PLXDC2: variants seen among roughly 807,000 people sequenced by gnomAD.
The protein encoded by PLXDC2 is plexin domain-containing protein 2.
A neutral mutation model predicts 68.9 loss-of-function variants in PLXDC2; 40 were observed. That is an observed-to-expected ratio of 0.58 (90% CI 0.45 to 0.76). The LOEUF is 0.76. PLXDC2 is among the 30% of genes least tolerant of loss of function. The pLI is 0.00. For missense variants in PLXDC2, 644 were observed against 661.9 expected (o/e 0.97, Z 0.30); for synonymous variants, 243 against 234.2 (o/e 1.04, Z -0.34).
intron 1 of PLXDC2, among the ~76,000 whole-genome samples, chr10:19,998,327 T>G (rs952347144): frequency 6.6e-6 from 1 of 152,246 alleles, no homozygotes; most frequent in Non-Finnish European, 1.5e-5. Context: ...TATCCTGTCT[T>G]TATTCTGTAA....
chr10:19,985,461 A>G (rs967043897), intron 1 of PLXDC2, among the ~76,000 whole-genome samples: 2 of 152,188 alleles, frequency 1.3e-5, no homozygotes, highest in Admixed American at 1.3e-4. Context: ...ATTTCCACTT[A>G]GAGAAGTTGC....
intron 1 of PLXDC2, among the ~76,000 whole-genome samples, chr10:19,953,350 T>C (rs1834020757): frequency 6.6e-6 from 1 of 152,066 alleles, no homozygotes; most frequent in South Asian, 2.1e-4. Flanking sequence ...TTGATTTAAG[T>C]ATTTGGGGTA....
chr10:20,224,513 T>C (rs1835260879), intron 12 of PLXDC2, among the ~76,000 whole-genome samples: 1 of 152,214 alleles, frequency 6.6e-6, no homozygotes, highest in African/African-American at 2.4e-5. Context: ...ATTCACTTCC[T>C]AAATAGAAAT....
At chr10:20,100,689 G>A (rs865890150) in intron 4 of PLXDC2, among the ~76,000 whole-genome samples, 1 of 152,154 alleles carries the variant, frequency 6.6e-6, no homozygotes, top group Non-Finnish European at 1.5e-5. Flanking sequence ...CAGAAAGGAA[G>A]GGGAAGAGAG....
chr10:19,851,630 C>G (rs993056471), intron 1 of PLXDC2, among the ~76,000 whole-genome samples: 2 of 152,140 alleles, frequency 1.3e-5, no homozygotes, highest in African/African-American at 4.8e-5. Flanking sequence ...ACTGCAACCT[C>G]CACCTCCTGG....
chr10:19,905,198 GTTTAT>G (rs1833134071), intron 1 of PLXDC2, among the ~76,000 whole-genome samples: 1 of 152,280 alleles, frequency 6.6e-6, no homozygotes, highest in South Asian at 2.1e-4. Flanking sequence ...TTTTCTCTTT[GTTTAT>G]TTTAATTGGT....
At chr10:19,888,269 T>G (rs560162352) in intron 1 of PLXDC2, among the ~76,000 whole-genome samples, 3 of 152,350 alleles carry the variant, frequency 2.0e-5, no homozygotes, top group African/African-American at 4.8e-5. Flanking sequence ...ACTCCCTGAT[T>G]CTTGGAGTGT....
intron 2 of PLXDC2, among the ~76,000 whole-genome samples, chr10:20,031,426 A>G (rs1835499280): frequency 6.6e-6 from 1 of 152,174 alleles, no homozygotes; most frequent in East Asian, 1.9e-4. Context: ...GTAGCAGCAC[A>G]TTACAAACCA....
intron 1 of PLXDC2, among the ~76,000 whole-genome samples, chr10:19,894,650 A>G (rs1405235079): frequency 6.6e-6 from 1 of 152,112 alleles, no homozygotes; most frequent in Non-Finnish European, 1.5e-5. Flanking sequence ...AGGTTTTTTT[A>G]TTATTATACT....
intron 7 of PLXDC2, among the ~76,000 whole-genome samples, chr10:20,167,532 G>T (rs1173344377): frequency 2.0e-5 from 3 of 152,102 alleles, no homozygotes; most frequent in Non-Finnish European, 4.4e-5. Flanking sequence ...TCTTTGTAGG[G>T]AATTTAAATA....
intron 4 of PLXDC2, among the ~76,000 whole-genome samples, chr10:20,095,610 G>A (rs1423650884): frequency 2.6e-5 from 4 of 152,014 alleles, no homozygotes; most frequent in East Asian, 1.9e-4. Context: ...GGACTAGTTC[G>A]TGGCAAAAAA....
intron 2 of PLXDC2, among the ~76,000 whole-genome samples, chr10:20,010,263 T>C (rs1052610349): frequency 1.3e-5 from 2 of 152,176 alleles, no homozygotes; most frequent in Admixed American, 1.3e-4. Flanking sequence ...TCTATTTCAG[T>C]CTTTTCTGTT....
intron 2 of PLXDC2, among the ~76,000 whole-genome samples, chr10:20,004,033 G>C (rs1244941086): frequency 6.6e-6 from 1 of 152,014 alleles, no homozygotes; most frequent in African/African-American, 2.4e-5. Flanking sequence ...TAAGAACCAG[G>C]CAGCATTCTT....
chr10:20,002,669 C>G (rs1309623040), intron 2 of PLXDC2, among the ~76,000 whole-genome samples: 4 of 152,054 alleles, frequency 2.6e-5, no homozygotes, highest in African/African-American at 9.7e-5. Flanking sequence ...GATGAAACTG[C>G]TTGGGATTGA....
At chr10:19,823,379 G>T (rs985346707) in intron 1 of PLXDC2, among the ~76,000 whole-genome samples, 14 of 151,938 alleles carry the variant, frequency 9.2e-5, no homozygotes, top group African/African-American at 3.4e-4. Context: ...TAATGAAGGA[G>T]GCTGTAAAAA....
rs147782280 is a variant in PLXDC2 at position 20,226,240 on chromosome 10, A to G, written c.1312+7138A>G. Among the ~76,000 whole-genome samples the G allele has an allele frequency of 1.9e-4, 29 of 152,314 alleles. No homozygotes were observed. In the South Asian group the frequency reaches 4.8e-3, roughly 25 times the overall value. On this transcript the variant is annotated intron_variant, in intron 12 of 13. Coordinates refer to ENST00000377252, the MANE Select transcript of PLXDC2 (RefSeq NM_032812.9). ...AAAGGAATCCAAAAGCATTATATCC[A>G]TTATACCTCCTAACTCATGTTAATA...
chr10:19,995,507 A>G (rs1834829620), intron 1 of PLXDC2, among the ~76,000 whole-genome samples: 1 of 152,204 alleles, frequency 6.6e-6, no homozygotes, highest in Non-Finnish European at 1.5e-5. Context: ...CCAAAATTCC[A>G]GACTCCCAGA....
At chr10:20,101,171 A>T (rs1278325304) in intron 4 of PLXDC2, among the ~76,000 whole-genome samples, 1 of 152,196 alleles carries the variant, frequency 6.6e-6, no homozygotes, top group Non-Finnish European at 1.5e-5. Context: ...ATGTGTGAGT[A>T]TAAAGATTTG....
intron 13 of PLXDC2, among the ~76,000 whole-genome samples, chr10:20,267,469 TACTA>T (rs969178809): frequency 1.3e-5 from 2 of 152,168 alleles, no homozygotes; most frequent in South Asian, 2.1e-4. Flanking sequence ...TTCCAGCTTT[TACTA>T]ACTATGTGAT....
Sources: gnomAD v4.1 joint callset for allele counts (sites outside exome capture counted in the v4.1 genomes callset) on GRCh38, gnomAD v4.1.1 for gene constraint, MANE v1.5 for transcripts, NCBI Gene and HGNC (gene_info 2026-07-23, HGNC 2026-07-21) for gene names.